SHISA9: variants seen among roughly 807,000 people sequenced by gnomAD.
SHISA9 encodes the protein protein shisa-9.
A neutral mutation model predicts 38.0 loss-of-function variants in SHISA9; 13 were observed. That is an observed-to-expected ratio of 0.34 (90% CI 0.22 to 0.54). The LOEUF is 0.54. SHISA9 is among the 20% of genes least tolerant of loss of function. SHISA9 has a pLI of 0.91. For synonymous variants in SHISA9, 275 were observed against 242.0 expected (o/e 1.14, Z -1.27); for missense variants, 538 against 575.8 (o/e 0.93, Z 0.67).
intron 2 of SHISA9, among the ~76,000 whole-genome samples, chr16:13,181,493 A>G (rs1294574236): frequency 6.6e-6 from 1 of 151,840 alleles, no homozygotes; most frequent in Non-Finnish European, 1.5e-5. Context: ...ATCAATGGGA[A>G]AGGTAATGCC....
At chr16:12,920,738 C>T (rs75401872) in intron 2 of SHISA9, among the ~76,000 whole-genome samples, 2,788 of 152,282 alleles carry the variant, frequency 0.018, 32 homozygotes, top group Non-Finnish European at 0.028. Flanking sequence ...CACCAAGGTA[C>T]CTTTGTCAAA....
At chr16:12,964,333 G>A (rs928238063) in intron 2 of SHISA9, among the ~76,000 whole-genome samples, 8 of 151,382 alleles carry the variant, frequency 5.3e-5, no homozygotes, top group Non-Finnish European at 1.2e-4. Context: ...AGCACCAGAG[G>A]TGTACAAACC....
At chr16:13,438,878 G>A in the SHISA9 span, among the ~76,000 whole-genome samples, 1 of 152,234 alleles carries the variant, frequency 6.6e-6, no homozygotes, top group South Asian at 2.1e-4. Flanking sequence ...AATGAGGTCC[G>A]CTCCATCCCA....
chr16:13,550,949 G>A, the SHISA9 span, among the ~76,000 whole-genome samples: 6 of 152,058 alleles, frequency 3.9e-5, no homozygotes, highest in South Asian at 8.3e-4. Context: ...CAGTGAAACC[G>A]CATCTCTACT....
At chr16:13,299,523 G>A in the SHISA9 span, among the ~76,000 whole-genome samples, 1 of 152,048 alleles carries the variant, frequency 6.6e-6, no homozygotes, top group Admixed American at 6.6e-5. Context: ...AGACCAGCCT[G>A]GCCAACATGG....
chr16:13,056,952 G>C (rs1233351506), intron 2 of SHISA9, among the ~76,000 whole-genome samples: 7 of 152,238 alleles, frequency 4.6e-5, no homozygotes, highest in African/African-American at 7.2e-5. Context: ...CAGGTGTGTA[G>C]GTTTGGATTG....
At chr16:13,410,351 C>A in the SHISA9 span, among the ~76,000 whole-genome samples, 24,025 of 152,054 alleles carry the variant, frequency 0.16, 2,488 homozygotes, top group East Asian at 0.37. Flanking sequence ...GCATCTTTGC[C>A]CTAAAATCGG....
At chr16:13,528,318 A>T in the SHISA9 span, among the ~76,000 whole-genome samples, 1 of 152,094 alleles carries the variant, frequency 6.6e-6, no homozygotes, top group African/African-American at 2.4e-5. Context: ...ACTCCCTGCA[A>T]CCCAAAGAGC....
chr16:13,008,097 A>G (rs1026225515), intron 2 of SHISA9, among the ~76,000 whole-genome samples: 1 of 152,204 alleles, frequency 6.6e-6, no homozygotes, highest in Non-Finnish European at 1.5e-5. Flanking sequence ...CAGGGAGTTA[A>G]TGCTCTAGGG....
intron 2 of SHISA9, among the ~76,000 whole-genome samples, chr16:13,019,964 C>CTTCT (rs1385218344): frequency 1.2e-5 from 1 of 85,930 alleles, no homozygotes; most frequent in African/African-American, 4.5e-5. Flanking sequence ...TCTTTCCCTC[C>CTTCT]TTCTTTCCTT....
intron 2 of SHISA9, among the ~76,000 whole-genome samples, chr16:13,104,276 G>C (rs2073905941): frequency 6.6e-6 from 1 of 152,030 alleles, no homozygotes; most frequent in Non-Finnish European, 1.5e-5. Context: ...CAGCAGCTTT[G>C]GAAAACAGTT....
chr16:12,994,770 G>A lies in SHISA9; in HGVS notation c.691+77955G>A, dbSNP rs185818553. 2.6e-3 allele frequency among the ~76,000 whole-genome samples: 392 copies of A among 152,272 alleles called. 1 individual carries two copies. Among genetic ancestry groups the A allele is most frequent in the African/African-American group, 9.2e-3 (382 of 41,560 alleles). On this transcript the variant is annotated intron_variant, in intron 2 of 4. Transcript: ENST00000558583. ...CATGGTCAGGTATATGATGTGATGG[G>A]TGAGGAAAATGGAGGTGGCAAGGAT...
At chr16:13,188,380 G>A (rs1465041877) in intron 2 of SHISA9, among the ~76,000 whole-genome samples, 1 of 152,162 alleles carries the variant, frequency 6.6e-6, no homozygotes, top group East Asian at 1.9e-4. Flanking sequence ...CTAAGTACTG[G>A]AAATGGAATG....
the SHISA9 span, among the ~76,000 whole-genome samples, chr16:13,365,649 G>T: frequency 6.6e-6 from 1 of 151,926 alleles, no homozygotes; most frequent in East Asian, 1.9e-4. Flanking sequence ...TATAGAGACA[G>T]GTTTTCACTA....
intron 2 of SHISA9, among the ~76,000 whole-genome samples, chr16:13,016,645 C>G (rs1334808748): frequency 1.3e-5 from 2 of 152,010 alleles, no homozygotes; most frequent in Non-Finnish European, 2.9e-5. Flanking sequence ...GGCAAATTAA[C>G]CAAACTGAAA....
At chr16:13,153,381 T>A (rs1259073193) in intron 2 of SHISA9, among the ~76,000 whole-genome samples, 1 of 152,172 alleles carries the variant, frequency 6.6e-6, no homozygotes, top group African/African-American at 2.4e-5. Context: ...CACTCAGGGA[T>A]GGAGAATTGG....
chr16:12,997,898 T>C (rs2072478289), intron 2 of SHISA9, among the ~76,000 whole-genome samples: 1 of 152,212 alleles, frequency 6.6e-6, no homozygotes, highest in African/African-American at 2.4e-5. Flanking sequence ...GAAGCTTGCA[T>C]ATTTCAAGAC....
the SHISA9 span, among the ~76,000 whole-genome samples, chr16:13,507,653 T>C: frequency 3.3e-5 from 5 of 152,230 alleles, no homozygotes. Flanking sequence ...TGTGGTTGAA[T>C]TTACCAGATG....
At chr16:13,440,285 C>G in the SHISA9 span, among the ~76,000 whole-genome samples, 1 of 152,256 alleles carries the variant, frequency 6.6e-6, no homozygotes, top group African/African-American at 2.4e-5. Flanking sequence ...CCATGGAACT[C>G]TAATCCCGTT....
Sources: gnomAD v4.1 joint callset for allele counts (sites outside exome capture counted in the v4.1 genomes callset) on GRCh38, gnomAD v4.1.1 for gene constraint, MANE v1.5 for transcripts, NCBI Gene and HGNC (gene_info 2026-07-23, HGNC 2026-07-21) for gene names.